Variants in CTDSPL observed in about 807,000 individuals in gnomAD.
CTDSPL encodes the protein CTD small phosphatase-like protein.
Under a neutral mutation model 30.5 loss-of-function variants are expected in CTDSPL, and 8 were observed. The observed-to-expected ratio is 0.26, with a 90% CI of 0.15 to 0.47. The LOEUF (loss-of-function observed/expected upper bound fraction) is 0.47. Among genes scored for constraint, CTDSPL ranks in the 20% least tolerant of loss-of-function variants. CTDSPL has a pLI of 0.99. For synonymous variants in CTDSPL, 110 were observed against 137.9 expected (o/e 0.80, Z 1.42); for missense variants, 248 against 366.1 (o/e 0.68, Z 2.63).
chr3:37,982,004 C>T lies in CTDSPL; in HGVS notation c.*1137C>T. 7.1e-6 allele frequency: 3 copies of T among 423,306 alleles called. No individual in the cohort carries two copies. In the Admixed American group the frequency reaches 7.7e-5, roughly 11 times the overall value. 26.2% of individuals were successfully genotyped at this position (423,306 alleles called of 1,614,324 possible). On this transcript the variant is annotated 3_prime_UTR_variant, in exon 8 of 8. Coordinates refer to ENST00000273179, the MANE Select transcript of CTDSPL (RefSeq NM_001008392.2). ...CAGAGGTGTCCCATCCCATTGCAGC[C>T]TCCACCACCTGTAACCCCTTCCTGG...
chr3:37,882,415 C>G (rs1375944567), intron 1 of CTDSPL, among the ~76,000 whole-genome samples: 1 of 143,824 alleles, frequency 7.0e-6, no homozygotes, highest in Non-Finnish European at 1.5e-5. Flanking sequence ...GCACTCCAGC[C>G]TGGGTGACAG....
chr3:37,867,309 A>G (rs747026327), intron 1 of CTDSPL, among the ~76,000 whole-genome samples: 4 of 152,102 alleles, frequency 2.6e-5, no homozygotes, highest in Non-Finnish European at 4.4e-5. Flanking sequence ...TAAATTGCTC[A>G]ATTGTATTCC....
chr3:37,957,980 A>C (rs1420928618), intron 3 of CTDSPL, among the ~76,000 whole-genome samples: 2 of 152,252 alleles, frequency 1.3e-5, no homozygotes, highest in African/African-American at 2.4e-5. Context: ...TTTAGGTTTC[A>C]AAATGTGTCT....
intron 2 of CTDSPL, among the ~76,000 whole-genome samples, chr3:37,955,907 G>A (rs763560887): frequency 1.6e-4 from 25 of 152,158 alleles, no homozygotes; most frequent in Non-Finnish European, 2.9e-4. Context: ...CTACTCTTGA[G>A]TCCCTGTATT....
At chr3:37,973,433 T>C (rs1010588617) in intron 6 of CTDSPL, among the ~76,000 whole-genome samples, 1 of 152,270 alleles carries the variant, frequency 6.6e-6, no homozygotes, top group Non-Finnish European at 1.5e-5. Flanking sequence ...TCTTCCTGGA[T>C]GGCTCCCACC....
At chr3:37,865,212 C>T (rs368276753) in intron 1 of CTDSPL, among the ~76,000 whole-genome samples, 3 of 152,188 alleles carry the variant, frequency 2.0e-5, no homozygotes, top group African/African-American at 7.2e-5. Flanking sequence ...AGACAAATTT[C>T]CCTGTAAGTT....
At chr3:37,954,631 AT>A (rs1699148838) in intron 2 of CTDSPL, 1 of 152,298 alleles carries the variant, frequency 6.6e-6, no homozygotes, top group African/African-American at 2.4e-5. Flanking sequence ...CTAGGGTTCC[AT>A]CCACCCTGCA....
Position 37,983,882 on chromosome 3 carries a change from T to G in CTDSPL, c.*3015T>G. ...GAAGCTCCTTTGACGTGGTGCAATT[T>G]TGATGAGATGTCTCTGGGGACACGA... On this transcript the variant is annotated 3_prime_UTR_variant, in exon 8 of 8. Coordinates refer to ENST00000273179, the MANE Select transcript of CTDSPL (RefSeq NM_001008392.2). The G allele has an allele frequency of 5.6e-6, 1 of 179,012 alleles. No individual in the cohort carries two copies. The highest frequency in any genetic ancestry group is 1.2e-4 in the South Asian group (1 of 8,152). 11.1% of individuals were successfully genotyped at this position (179,012 alleles called of 1,614,324 possible).
chr3:37,928,212 G>C (rs1471055821), intron 1 of CTDSPL, among the ~76,000 whole-genome samples: 1 of 152,114 alleles, frequency 6.6e-6, no homozygotes, highest in East Asian at 1.9e-4. Flanking sequence ...AGCTCTTCAG[G>C]ATTCTGTTTT....
In CTDSPL at chr3:37,981,992, TC is replaced by T; in HGVS notation, c.*1128del. ...CAGGGTCAGAAACAGAGGTGTCCCA[TC>T]CCATTGCAGCCTCCACCACCTGTAA... On this transcript the variant is annotated 3_prime_UTR_variant, in exon 8 of 8. Transcript: ENST00000273179. The T allele has an allele frequency of 2.3e-6, 1 of 435,156 alleles. No individual in the cohort carries two copies. Among genetic ancestry groups the T allele is most frequent in the Admixed American group, 2.5e-5 (1 of 40,598 alleles). The allele number at this position is 435,156 out of a possible 1,614,324, so 27.0% of individuals were successfully genotyped here. A position where few individuals can be genotyped will look rare whatever the true frequency, so the allele number is the denominator to read the frequency against.
intron 1 of CTDSPL, among the ~76,000 whole-genome samples, chr3:37,899,239 G>T (rs377093729): frequency 1.3e-5 from 2 of 152,292 alleles, no homozygotes; most frequent in East Asian, 3.9e-4. Flanking sequence ...TGGGAATGGA[G>T]GAGCTCACCT....
At position 37,942,569 on chromosome 3, in the gene CTDSPL, G is replaced by A. The variant is rs561877934; in HGVS notation, c.80-4488G>A. On this transcript the variant is annotated intron_variant, in intron 1 of 7. Transcript: ENST00000273179. Reference sequence around the variant, plus strand: ...GAGGTGGGAGGATGTCTTGAGCCCCGGGGGTAGAGGTTGCAGTGAGCCAAG... The same window carrying A: ...GAGGTGGGAGGATGTCTTGAGCCCCAGGGGTAGAGGTTGCAGTGAGCCAAG... Among the ~76,000 whole-genome samples the A allele has an allele frequency of 8.6e-4, 129 of 150,278 alleles. 4 individuals are homozygous for A. The highest frequency in any genetic ancestry group is 2.9e-3 in the African/African-American group (119 of 41,378).
At chr3:37,920,301 A>G (rs941483660) in intron 1 of CTDSPL, among the ~76,000 whole-genome samples, 1 of 152,134 alleles carries the variant, frequency 6.6e-6, no homozygotes, top group Non-Finnish European at 1.5e-5. Flanking sequence ...CTTTCAGCAG[A>G]TGGAATGTGC....
At chr3:37,931,771 A>G (rs1215533717) in intron 1 of CTDSPL, among the ~76,000 whole-genome samples, 1 of 152,002 alleles carries the variant, frequency 6.6e-6, no homozygotes, top group African/African-American at 2.4e-5. Context: ...TTAATCTTGG[A>G]ACAGTTTTTA....
At chr3:37,905,362 C>G (rs142490486) in intron 1 of CTDSPL, among the ~76,000 whole-genome samples, 29 of 150,876 alleles carry the variant, frequency 1.9e-4, no homozygotes, top group Non-Finnish European at 3.4e-4. Flanking sequence ...CAGATAATGC[C>G]TACAAAAAGG....
chr3:37,943,908 C>T (rs1488177058), intron 1 of CTDSPL, among the ~76,000 whole-genome samples: 1 of 150,184 alleles, frequency 6.7e-6, no homozygotes, highest in Non-Finnish European at 1.5e-5. Context: ...GGGCCTCCTC[C>T]GGTTTTGAGT....
At position 37,862,634 on chromosome 3, in the gene CTDSPL, G is replaced by A. The variant is rs1410564214; in HGVS notation, c.79+356G>A. ...ATGTGTGTGTGCACACGCGGACAGAGTGATTGTAAGGATATGTGTGCACCT... is the reference window on the plus strand; with the variant it reads ...ATGTGTGTGTGCACACGCGGACAGAATGATTGTAAGGATATGTGTGCACCT... On this transcript the variant is annotated intron_variant, in intron 1 of 7. Transcript: ENST00000273179. This position sits in a 1 kb window ranked among gnomAD's most constrained non-coding sequence, Gnocchi z 4.3. 6.6e-6 allele frequency among the ~76,000 whole-genome samples: 1 copy of A among 152,240 alleles called. No individual in the cohort carries two copies. The highest frequency in any genetic ancestry group is 1.5e-5 in the Non-Finnish European group (1 of 68,038).
At chr3:37,916,193 C>T (rs538178899) in intron 1 of CTDSPL, among the ~76,000 whole-genome samples, 3 of 152,310 alleles carry the variant, frequency 2.0e-5, no homozygotes, top group African/African-American at 4.8e-5. Context: ...CTGGATTTCT[C>T]TCTTCACCAG....
chr3:37,868,629 T>A (rs935600700), intron 1 of CTDSPL, among the ~76,000 whole-genome samples: 12 of 152,096 alleles, frequency 7.9e-5, no homozygotes, highest in African/African-American at 2.9e-4. Context: ...GAGTGTCTGG[T>A]TGCTTCAGCT....
Sources: allele counts gnomAD v4.1 joint callset (sites outside exome capture counted in the v4.1 genomes callset), GRCh38; gene constraint gnomAD v4.1.1; non-coding constraint Gnocchi (gnomAD v3.1); transcripts MANE v1.5; gene names NCBI Gene and HGNC (gene_info 2026-07-23, HGNC 2026-07-21).